Variants in STARD13 observed in about 807,000 individuals in gnomAD.
STARD13 encodes stAR-related lipid transfer protein 13.
Under a neutral mutation model 106.4 loss-of-function variants are expected in STARD13, and 62 were observed. That is an observed-to-expected ratio of 0.58 (90% CI 0.48 to 0.72). The LOEUF (loss-of-function observed/expected upper bound fraction) is 0.72, where lower values mean the gene tolerates loss of function less well. STARD13 is among the 30% of genes least tolerant of loss of function. The pLI is 0.00. For missense variants in STARD13, 1,387 were observed against 1,424.0 expected, an observed-to-expected ratio of 0.97 and a Z score of 0.42; for synonymous variants, 565 against 553.0, an observed-to-expected ratio of 1.02 and a Z score of -0.31.
the STARD13 span, among the ~76,000 whole-genome samples, chr13:33,391,706 C>T: frequency 1.3e-4 from 20 of 152,150 alleles, no homozygotes; most frequent in East Asian, 1.9e-4. Flanking sequence ...GTCAGCTTTG[C>T]GTCAAAATGT....
chr13:33,525,268 C>T, the STARD13 span, among the ~76,000 whole-genome samples: 1 of 152,058 alleles, frequency 6.6e-6, no homozygotes, highest in African/African-American at 2.4e-5. Flanking sequence ...AGTGATCCTC[C>T]TGCTTTGGCC....
intron 3 of STARD13, among the ~76,000 whole-genome samples, chr13:33,145,087 C>A (rs1210550224): frequency 2.0e-5 from 3 of 152,188 alleles, no homozygotes; most frequent in Admixed American, 1.3e-4. Flanking sequence ...CTGTACCTTA[C>A]AAATTGCTTC....
At chr13:33,585,972 T>A in the STARD13 span, among the ~76,000 whole-genome samples, 1 of 152,060 alleles carries the variant, frequency 6.6e-6, no homozygotes, top group Non-Finnish European at 1.5e-5. Flanking sequence ...GGGGATGAAG[T>A]TTTAGTATGG....
At chr13:33,636,177 T>TAGCAGAGA in the STARD13 span, among the ~76,000 whole-genome samples, 1 of 150,336 alleles carries the variant, frequency 6.7e-6, no homozygotes, top group Non-Finnish European at 1.5e-5. Flanking sequence ...TAGCAGAACT[T>TAGCAGAGA]AGCAGAGATC....
Position 33,296,405 on chromosome 13 carries a change from C to G in STARD13, c.124+53885G>C, listed in dbSNP as rs905764284. Among the ~76,000 whole-genome samples, 3 of 145,724 alleles carry G rather than the reference C, an allele frequency of 2.1e-5. No individual in the cohort carries two copies. In the Admixed American group the frequency reaches 2.1e-4, roughly 10 times the overall value. On this transcript the variant is annotated intron_variant, in intron 1 of 5. Transcript: ENST00000567873. ...ATTAAATATTTTAAAATTTAAAAAT[C>G]ATCATGATACAACACCTCACATAGT...
the STARD13 span, among the ~76,000 whole-genome samples, chr13:33,674,766 T>C: frequency 6.6e-6 from 1 of 152,234 alleles, no homozygotes; most frequent in African/African-American, 2.4e-5. Context: ...TTTTTCTAAA[T>C]TGACACAGTA....
At chr13:33,476,988 A>T in the STARD13 span, among the ~76,000 whole-genome samples, 1 of 152,228 alleles carries the variant, frequency 6.6e-6, no homozygotes, top group Non-Finnish European at 1.5e-5. Context: ...AGGTCCAGGG[A>T]CTACTGTAAA....
the STARD13 span, among the ~76,000 whole-genome samples, chr13:33,384,145 C>T: frequency 1.3e-5 from 2 of 152,188 alleles, no homozygotes; most frequent in Admixed American, 1.3e-4. Flanking sequence ...AGGACAGTGT[C>T]TTGTACAATG....
intron 3 of STARD13, among the ~76,000 whole-genome samples, chr13:33,165,004 C>G (rs1883156572): frequency 6.6e-6 from 1 of 152,162 alleles, no homozygotes; most frequent in African/African-American, 2.4e-5. Flanking sequence ...CTGTCTACAT[C>G]CCCATGTTGT....
intron 1 of STARD13, among the ~76,000 whole-genome samples, chr13:33,325,265 T>A (rs2077761166): frequency 6.6e-6 from 1 of 152,158 alleles, no homozygotes; most frequent in African/African-American, 2.4e-5. Context: ...CTAGCCTTCA[T>A]CAAATCCTAA....
At chr13:33,550,246 T>C in the STARD13 span, among the ~76,000 whole-genome samples, 1 of 152,174 alleles carries the variant, frequency 6.6e-6, no homozygotes, top group Non-Finnish European at 1.5e-5. Context: ...AGAAAAGATA[T>C]CCCTAATTCT....
At chr13:33,369,727 GT>G in the STARD13 span, among the ~76,000 whole-genome samples, 138 of 148,780 alleles carry the variant, frequency 9.3e-4, 1 homozygote, top group African/African-American at 2.4e-3. Context: ...TTTACATACA[GT>G]TTTTTTTTTG....
the STARD13 span, among the ~76,000 whole-genome samples, chr13:33,362,343 A>T: frequency 2.0e-5 from 3 of 152,128 alleles, no homozygotes; most frequent in Non-Finnish European, 4.4e-5. Context: ...TAAACTATTC[A>T]TGAGTGATCC....
the STARD13 span, among the ~76,000 whole-genome samples, chr13:33,503,304 C>T: frequency 5.0e-4 from 76 of 152,178 alleles, no homozygotes; most frequent in Non-Finnish European, 8.8e-4. Context: ...AGCAGTCTAT[C>T]AATTTTGTTG....
At chr13:33,316,662 T>C (rs968960490) in intron 1 of STARD13, among the ~76,000 whole-genome samples, 30 of 152,358 alleles carry the variant, frequency 2.0e-4, no homozygotes, top group African/African-American at 7.0e-4. Context: ...TTCCAAGCTA[T>C]TGTGCTGCCT....
At chr13:33,515,914 G>A in the STARD13 span, among the ~76,000 whole-genome samples, 1 of 151,956 alleles carries the variant, frequency 6.6e-6, no homozygotes, top group Non-Finnish European at 1.5e-5. Flanking sequence ...CACCTGGGGA[G>A]CAAGTTTCTG....
chr13:33,186,734 G>C (rs2138482370), intron 1 of STARD13, among the ~76,000 whole-genome samples: 1 of 152,068 alleles, frequency 6.6e-6, no homozygotes, highest in Non-Finnish European at 1.5e-5. Context: ...AGCAAATTGA[G>C]AGTATTTGAG....
At chr13:33,553,402 A>G in the STARD13 span, among the ~76,000 whole-genome samples, 1 of 151,928 alleles carries the variant, frequency 6.6e-6, no homozygotes, top group Admixed American at 6.6e-5. Flanking sequence ...TTTTATGTTA[A>G]ATGACATAGG....
At chr13:33,241,680 G>A (rs1378006011) in intron 1 of STARD13, among the ~76,000 whole-genome samples, 4 of 151,932 alleles carry the variant, frequency 2.6e-5, no homozygotes, top group Non-Finnish European at 5.9e-5. Context: ...GCCTGGGATT[G>A]CAGGCGCGCG....
Sources: allele counts gnomAD v4.1 joint callset (sites outside exome capture counted in the v4.1 genomes callset), GRCh38; gene constraint gnomAD v4.1.1; transcripts MANE v1.5; gene names NCBI Gene and HGNC (gene_info 2026-07-23, HGNC 2026-07-21).